GABRG3: variants seen among roughly 807,000 people sequenced by gnomAD.
GABRG3 encodes gamma-aminobutyric acid type A receptor subunit gamma3, also known as gamma-aminobutyric acid receptor subunit gamma-3.
GABRG3 carries 25 observed loss-of-function variants against 48.8 expected under a neutral mutation model. The ratio of observed to expected loss-of-function variants is 0.51; its 90% CI spans 0.37 to 0.72. The LOEUF is 0.72. Among genes scored for constraint, GABRG3 ranks in the 30% least tolerant of loss-of-function variants. The pLI, the probability that GABRG3 is intolerant of heterozygous loss-of-function variation, is 0.00. For synonymous variants in GABRG3, 227 were observed against 217.6 expected, an observed-to-expected ratio of 1.04 and a Z score of -0.38; for missense variants, 394 against 577.9, an observed-to-expected ratio of 0.68 and a Z score of 3.26.
chr15:27,057,691 G>A lies in GABRG3; in HGVS notation c.270+30870G>A, dbSNP rs141543876. On this transcript the variant is annotated intron_variant, in intron 3 of 9. Coordinates refer to ENST00000615808, the MANE Select transcript of GABRG3 (RefSeq NM_033223.5). Reference sequence around the variant, plus strand: ...TTCAGGTGTTTCCTAAGTAAAAACTGGTGTTGTTGTCTGGGAATCTTACCA... The same window carrying A: ...TTCAGGTGTTTCCTAAGTAAAAACTAGTGTTGTTGTCTGGGAATCTTACCA... Among the ~76,000 whole-genome samples the A allele has an allele frequency of 2.8e-3, 431 of 152,190 alleles. 4 individuals are homozygous for A. Among genetic ancestry groups the A allele is most frequent in the African/African-American group, 0.01 (419 of 41,512 alleles).
At chr15:27,384,892 A>G (rs937723344) in intron 5 of GABRG3, among the ~76,000 whole-genome samples, 1 of 152,178 alleles carries the variant, frequency 6.6e-6, no homozygotes, top group African/African-American at 2.4e-5. Flanking sequence ...TTATATTTAT[A>G]TTTGTATTAT....
At chr15:27,112,576 G>T (rs538887969) in intron 3 of GABRG3, among the ~76,000 whole-genome samples, 15 of 151,854 alleles carry the variant, frequency 9.9e-5, no homozygotes, top group Admixed American at 9.2e-4. Context: ...GAGTAGCTGG[G>T]ACTACTGGTG....
intron 3 of GABRG3, among the ~76,000 whole-genome samples, chr15:27,064,386 G>A (rs1896702307): frequency 6.6e-6 from 1 of 152,148 alleles, no homozygotes; most frequent in African/African-American, 2.4e-5. Flanking sequence ...TGAAATTGGA[G>A]CTTGGTGCAG....
intron 3 of GABRG3, among the ~76,000 whole-genome samples, chr15:27,277,053 C>T (rs1235766732): frequency 6.6e-6 from 1 of 152,142 alleles, no homozygotes; most frequent in Non-Finnish European, 1.5e-5. Context: ...GAAGGGAAAG[C>T]CAGAGTGAGA....
intron 3 of GABRG3, among the ~76,000 whole-genome samples, chr15:27,149,290 G>A (rs1468071443): frequency 6.6e-6 from 1 of 151,072 alleles, no homozygotes; most frequent in African/African-American, 2.4e-5. Context: ...AACAAAATAA[G>A]TATAAGACTT....
intron 3 of GABRG3, among the ~76,000 whole-genome samples, chr15:27,042,151 G>A (rs1172698324): frequency 6.6e-6 from 1 of 152,234 alleles, no homozygotes; most frequent in Non-Finnish European, 1.5e-5. Context: ...GATGCAAGCG[G>A]CTGCCCATGT....
intron 2 of GABRG3, among the ~76,000 whole-genome samples, chr15:27,003,575 A>T (rs1595465940): frequency 6.6e-6 from 1 of 152,330 alleles, no homozygotes; most frequent in Middle Eastern, 3.4e-3. Flanking sequence ...AAGGCAGAAG[A>T]ATTTTTCTTA....
chr15:27,170,087 G>A (rs545409918), intron 3 of GABRG3, among the ~76,000 whole-genome samples: 1 of 152,326 alleles, frequency 6.6e-6, no homozygotes, highest in Non-Finnish European at 1.5e-5. Flanking sequence ...TCTTCAGATT[G>A]AAGGAAAATT....
At chr15:27,407,597 G>T (rs1463843408) in intron 5 of GABRG3, among the ~76,000 whole-genome samples, 1 of 152,122 alleles carries the variant, frequency 6.6e-6, no homozygotes, top group Non-Finnish European at 1.5e-5. Flanking sequence ...GTCAACTTTG[G>T]TACACCCAGA....
chr15:27,262,654 G>A (rs1052000527), intron 3 of GABRG3, among the ~76,000 whole-genome samples: 9 of 152,188 alleles, frequency 5.9e-5, no homozygotes, highest in South Asian at 2.1e-4. Context: ...GTAGGGAAGC[G>A]TATGTAGAAT....
At chr15:27,142,694 T>G (rs925410230) in intron 3 of GABRG3, among the ~76,000 whole-genome samples, 2 of 152,178 alleles carry the variant, frequency 1.3e-5, no homozygotes, top group Admixed American at 1.3e-4. Flanking sequence ...AAGTCAGTCT[T>G]CCCTACACAC....
intron 3 of GABRG3, among the ~76,000 whole-genome samples, chr15:27,050,196 G>A (rs763417324): frequency 6.6e-6 from 1 of 152,126 alleles, no homozygotes; most frequent in Admixed American, 6.5e-5. Flanking sequence ...CATGTTCTTT[G>A]ATGACACACA....
chr15:27,489,783 A>G (rs890299835), intron 6 of GABRG3, among the ~76,000 whole-genome samples: 2 of 152,162 alleles, frequency 1.3e-5, no homozygotes, highest in Admixed American at 1.3e-4. Flanking sequence ...CCTCTGTCAG[A>G]TGGATAGATT....
At chr15:27,522,012 A>G (rs1022257103) in intron 7 of GABRG3, among the ~76,000 whole-genome samples, 7 of 152,012 alleles carry the variant, frequency 4.6e-5, no homozygotes, top group African/African-American at 7.2e-5. Flanking sequence ...ACATCAGCCT[A>G]CAAATTCAAA....
chr15:27,048,975 C>T (rs4887524), intron 3 of GABRG3, among the ~76,000 whole-genome samples: 13,795 of 152,286 alleles, frequency 0.091, 701 homozygotes, highest in East Asian at 0.14. Flanking sequence ...CTGCCCACCA[C>T]GCTACGGGGC....
At chr15:27,478,638 C>A (rs1414754378) in intron 5 of GABRG3, among the ~76,000 whole-genome samples, 3 of 152,178 alleles carry the variant, frequency 2.0e-5, no homozygotes, top group African/African-American at 7.2e-5. Context: ...AACAATTCTA[C>A]TCCTAGGTGT....
intron 3 of GABRG3, among the ~76,000 whole-genome samples, chr15:27,093,180 C>T (rs911569569): frequency 6.6e-6 from 1 of 151,990 alleles, no homozygotes; most frequent in Non-Finnish European, 1.5e-5. Context: ...AAAATGAGAA[C>T]GGAACAGACC....
chr15:27,151,800 C>T (rs1426269637), intron 3 of GABRG3, among the ~76,000 whole-genome samples: 1 of 152,112 alleles, frequency 6.6e-6, no homozygotes, highest in East Asian at 1.9e-4. Context: ...ACTGATTTTC[C>T]CCTAGCGCCT....
intron 6 of GABRG3, among the ~76,000 whole-genome samples, chr15:27,485,806 G>A (rs908432823): frequency 6.6e-6 from 1 of 152,086 alleles, no homozygotes; most frequent in African/African-American, 2.4e-5. Flanking sequence ...AGAATTTTCT[G>A]TTAAAAAGCC....
Sources: gnomAD v4.1 joint callset for allele counts (sites outside exome capture counted in the v4.1 genomes callset) on GRCh38, gnomAD v4.1.1 for gene constraint, MANE v1.5 for transcripts, NCBI Gene and HGNC (gene_info 2026-07-23, HGNC 2026-07-21) for gene names.